Variants in SLC30A8 observed in about 807,000 individuals in gnomAD.
The protein encoded by SLC30A8 is solute carrier family 30 member 8, also known as proton-coupled zinc antiporter SLC30A8.
SLC30A8 carries 27 observed loss-of-function variants against 36.9 expected under a neutral mutation model. The observed-to-expected ratio is 0.73, with a 90% CI of 0.54 to 1.01. SLC30A8 has a LOEUF of 1.01. Among genes scored for constraint, SLC30A8 ranks in the 50% least tolerant of loss-of-function variants. SLC30A8 has a pLI of 0.00. For synonymous variants in SLC30A8, 164 were observed against 172.4 expected (o/e 0.95, Z 0.38); for missense variants, 439 against 452.0 (o/e 0.97, Z 0.26).
intron 1 of SLC30A8, among the ~76,000 whole-genome samples, chr8:117,034,596 G>A (rs1038807935): frequency 6.6e-6 from 1 of 152,192 alleles, no homozygotes; most frequent in Non-Finnish European, 1.5e-5. Flanking sequence ...TAGAGCTGGG[G>A]TTTGAACCCA....
intron 2 of SLC30A8, among the ~76,000 whole-genome samples, chr8:117,114,701 G>A (rs1312175210): frequency 1.4e-5 from 2 of 147,530 alleles, no homozygotes; most frequent in African/African-American, 5.0e-5. Context: ...GAGAAAAAGT[G>A]GGGGTGTTCA....
At chr8:117,067,574 A>G (rs1416503190) in intron 2 of SLC30A8, among the ~76,000 whole-genome samples, 1 of 152,204 alleles carries the variant, frequency 6.6e-6, no homozygotes, top group East Asian at 1.9e-4. Flanking sequence ...GTTAGTCCAT[A>G]CAATCTAAAG....
At chr8:117,116,887 TAG>T (rs1820466542) in intron 2 of SLC30A8, among the ~76,000 whole-genome samples, 1 of 152,028 alleles carries the variant, frequency 6.6e-6, no homozygotes, top group African/African-American at 2.4e-5. Flanking sequence ...GTCAAGGTTA[TAG>T]AAGGCCAGTA....
chr8:117,053,175 C>T (rs559708911), intron 2 of SLC30A8, among the ~76,000 whole-genome samples: 293 of 152,214 alleles, frequency 1.9e-3, no homozygotes, highest in Non-Finnish European at 3.1e-3. Flanking sequence ...GTGATCTGCC[C>T]GCTTCGGCCT....
intron 2 of SLC30A8, among the ~76,000 whole-genome samples, chr8:117,122,938 C>T (rs1253112083): frequency 6.6e-6 from 1 of 151,946 alleles, no homozygotes; most frequent in Admixed American, 6.6e-5. Flanking sequence ...TTGCAATGTA[C>T]TGGGCGTTCC....
At chr8:117,051,321 C>G (rs1817699383) in intron 2 of SLC30A8, among the ~76,000 whole-genome samples, 1 of 152,124 alleles carries the variant, frequency 6.6e-6, no homozygotes, top group South Asian at 2.1e-4. Flanking sequence ...AACAGAGATG[C>G]TAGAAACCCT....
At chr8:117,134,365 T>G (rs1222282020), upstream of SLC30A8, among the ~76,000 whole-genome samples, 1 of 152,030 alleles carries the variant, frequency 6.6e-6, no homozygotes, top group Non-Finnish European at 1.5e-5. Flanking sequence ...TGAAACCTTT[T>G]GCCCACACAC....
At chr8:117,085,225 CT>C (rs1158088922) in intron 2 of SLC30A8, among the ~76,000 whole-genome samples, 1 of 152,150 alleles carries the variant, frequency 6.6e-6, no homozygotes, top group Non-Finnish European at 1.5e-5. Flanking sequence ...CATGACAACT[CT>C]GTTTTTAAGG....
intron 1 of SLC30A8, among the ~76,000 whole-genome samples, chr8:117,139,349 C>T (rs1238431664): frequency 6.6e-6 from 1 of 151,932 alleles, no homozygotes; most frequent in Non-Finnish European, 1.5e-5. Flanking sequence ...AGATAGCTCA[C>T]TCTCTCTCTC....
intron 2 of SLC30A8, among the ~76,000 whole-genome samples, chr8:117,061,182 C>G (rs1436492399): frequency 6.6e-6 from 1 of 152,188 alleles, no homozygotes; most frequent in Non-Finnish European, 1.5e-5. Context: ...TTCAGTGATT[C>G]TCACTATGAC....
rs148984164 is a variant in SLC30A8 at position 117,059,666 on chromosome 8, A to G, written c.-226+20408A>G. Among the ~76,000 whole-genome samples the G allele has an allele frequency of 3.6e-3, 551 of 152,302 alleles. 3 individuals are homozygous for G. The highest frequency in any genetic ancestry group is 0.013 in the African/African-American group (528 of 41,584). On this transcript the variant is annotated intron_variant, in intron 2 of 10. Transcript: ENST00000427715. ...TCCATCATGTTGGTTTAGTTGGACG[A>G]TAGATCGTAGTGGTGGATAAATCTC...
chr8:117,053,432 C>A (rs1817771756), intron 2 of SLC30A8, among the ~76,000 whole-genome samples: 1 of 152,130 alleles, frequency 6.6e-6, no homozygotes, highest in Non-Finnish European at 1.5e-5. Flanking sequence ...CTCTTGCAAA[C>A]AGATGGTGCA....
In SLC30A8 at chr8:117,145,767, C is replaced by T. The variant is rs541561327; in HGVS notation, c.72-1187C>T. Reference sequence around the variant, plus strand: ...GCTTGGGATTCCCACTCCAAAATTTCCTGGATATTTGACCTCAGGCAATTA... The same window carrying T: ...GCTTGGGATTCCCACTCCAAAATTTTCTGGATATTTGACCTCAGGCAATTA... On this transcript the variant is annotated intron_variant, in intron 1 of 7. Transcript: ENST00000456015. 2.6e-5 allele frequency among the ~76,000 whole-genome samples: 4 copies of T among 152,222 alleles called. No individual in the cohort carries two copies. In the South Asian group the frequency reaches 8.3e-4, roughly 32 times the overall value.
chr8:117,014,883 C>T lies in SLC30A8; in HGVS notation c.-265-24336C>T, dbSNP rs11998147. Among the ~76,000 whole-genome samples, 585 of 152,236 alleles carry T rather than the reference C, an allele frequency of 3.8e-3. 5 individuals carry two copies. The highest frequency in any genetic ancestry group is 0.013 in the African/African-American group (539 of 41,530). On this transcript the variant is annotated intron_variant, in intron 1 of 10. Coordinates refer to the SLC30A8 transcript ENST00000427715. Reference sequence around the variant, plus strand: ...TCTTCTGTCTCTCTGGCTGATGTCACATGAATAAAACCTTCTTCTCTGCTA... The same window carrying T: ...TCTTCTGTCTCTCTGGCTGATGTCATATGAATAAAACCTTCTTCTCTGCTA...
intron 5 of SLC30A8, 90 bp downstream of exon 5, chr8:117,161,978 C>T: frequency 1.7e-6 from 2 of 1,195,162 alleles, no homozygotes; most frequent in South Asian, 3.3e-5. Flanking sequence ...AGAGAATGGG[C>T]ATCCTCTGTT....
intron 1 of SLC30A8, among the ~76,000 whole-genome samples, chr8:116,973,764 C>A (rs1042761839): frequency 5.3e-5 from 8 of 152,174 alleles, no homozygotes; most frequent in African/African-American, 1.9e-4. Context: ...AAGCTGGATG[C>A]ATCAAGCTAC....
At chr8:116,980,613 G>A (rs753783253) in intron 1 of SLC30A8, among the ~76,000 whole-genome samples, 4 of 152,174 alleles carry the variant, frequency 2.6e-5, no homozygotes, top group Non-Finnish European at 5.9e-5. Context: ...AAGGACAACT[G>A]TGAGTTATTT....
chr8:117,050,592 G>A (rs1457179214), intron 2 of SLC30A8, among the ~76,000 whole-genome samples: 1 of 152,012 alleles, frequency 6.6e-6, no homozygotes, highest in Non-Finnish European at 1.5e-5. Flanking sequence ...TTTTAGTAGA[G>A]ACGGGTTTCA....
At chr8:117,097,939 A>T (rs1169438035) in intron 2 of SLC30A8, among the ~76,000 whole-genome samples, 1 of 109,298 alleles carries the variant, frequency 9.1e-6, no homozygotes, top group African/African-American at 4.2e-5. Context: ...TATTATATAT[A>T]ATATATAATT....
Sources: gnomAD v4.1 joint callset for allele counts (sites outside exome capture counted in the v4.1 genomes callset) on GRCh38, gnomAD v4.1.1 for gene constraint, MANE v1.5 for transcripts, NCBI Gene and HGNC (gene_info 2026-07-23, HGNC 2026-07-21) for gene names.